Variants in THSD7B observed in about 807,000 individuals in gnomAD.
The protein encoded by THSD7B is thrombospondin type 1 domain containing 7B.
Under a neutral mutation model 213.6 loss-of-function variants are expected in THSD7B, and 138 were observed. That is an observed-to-expected ratio of 0.65 (90% confidence interval 0.56 to 0.74). The LOEUF is 0.74. Among genes scored for constraint, THSD7B ranks in the 30% least tolerant of loss-of-function variants. The pLI is 0.00. For synonymous variants in THSD7B, 742 were observed against 687.0 expected (o/e 1.08, Z -1.25); for missense variants, 1,931 against 1,991.5 (o/e 0.97, Z 0.58).
At chr2:136,930,775 C>T (rs1313671545) in intron 2 of THSD7B, among the ~76,000 whole-genome samples, 1 of 151,556 alleles carries the variant, frequency 6.6e-6, no homozygotes, top group African/African-American at 2.4e-5. Flanking sequence ...AAAGAATCGG[C>T]CTGAGCCAGG....
intron 4 of THSD7B, among the ~76,000 whole-genome samples, chr2:137,114,678 A>G (rs934272976): frequency 6.6e-6 from 1 of 152,244 alleles, no homozygotes; most frequent in Non-Finnish European, 1.5e-5. Flanking sequence ...ATGTAAAATA[A>G]TATATTTACG....
chr2:137,634,421 T>C (rs1346021796), intron 20 of THSD7B, among the ~76,000 whole-genome samples: 4 of 152,228 alleles, frequency 2.6e-5, no homozygotes, highest in Non-Finnish European at 4.4e-5. Flanking sequence ...TTTATAGGTA[T>C]ATTTATGTAA....
intron 10 of THSD7B, among the ~76,000 whole-genome samples, chr2:137,245,042 C>A (rs1010319062): frequency 1.3e-5 from 2 of 152,050 alleles, no homozygotes; most frequent in Admixed American, 1.3e-4. Context: ...AAGCTAGGGC[C>A]CCCTGAATGG....
At chr2:137,638,731 C>G (rs1183391163) in intron 20 of THSD7B, among the ~76,000 whole-genome samples, 1 of 152,084 alleles carries the variant, frequency 6.6e-6, no homozygotes, top group African/African-American at 2.4e-5. Flanking sequence ...CTGAGGTGGT[C>G]TCAGATGGAG....
At chr2:136,891,339 T>C (rs891495551) in intron 2 of THSD7B, among the ~76,000 whole-genome samples, 2 of 152,206 alleles carry the variant, frequency 1.3e-5, no homozygotes, top group Non-Finnish European at 2.9e-5. Context: ...TAAAACTGAT[T>C]CAACATTCCA....
chr2:137,492,848 C>T (rs1157691131), intron 15 of THSD7B, among the ~76,000 whole-genome samples: 1 of 151,850 alleles, frequency 6.6e-6, no homozygotes, highest in Non-Finnish European at 1.5e-5. Flanking sequence ...TTGGGCTGGG[C>T]GTGGTGGCTC....
intron 1 of THSD7B, among the ~76,000 whole-genome samples, chr2:136,827,807 CAGAG>C (rs1281347065): frequency 6.6e-6 from 1 of 151,814 alleles, no homozygotes; most frequent in Non-Finnish European, 1.5e-5. Flanking sequence ...GAGAGAGACA[CAGAG>C]AGAGAAATAT....
chr2:137,657,146 G>A lies in THSD7B; in HGVS notation c.4361G>A (p.Gly1454Asp). ...ERTVWCQRSD[G>D]VNVTGGCSPQ... Reference sequence around the variant, plus strand: ...ACTGTATGGTGCCAGCGTTCAGATGGCGTTAATGTCACAGGTATTCCTGCC... The same window carrying A: ...ACTGTATGGTGCCAGCGTTCAGATGACGTTAATGTCACAGGTATTCCTGCC... Residue 1454 changes from glycine (G) to aspartate (D), a missense_variant, in exon 24 of 28, where the codon GGC (glycine) becomes GAC (aspartate). Physicochemically the swap from Gly to Asp is moderately conservative, Grantham distance 94 (BLOSUM62 -1). Coordinates refer to ENST00000409968, the MANE Select transcript of THSD7B (RefSeq NM_001316349.2). The A allele has an allele frequency of 6.2e-7, 1 of 1,613,986 alleles. No individual in the cohort carries two copies. The highest frequency in any genetic ancestry group is 8.5e-7 in the Non-Finnish European group (1 of 1,179,880).
rs1370449764 is a variant in THSD7B at position 136,903,950 on chromosome 2, GTGTGTGTGTGTGTGTGTGTGTGTTTGTT to G, written c.139+21637_139+21664del. Reference sequence around the variant, plus strand: ...GGTGTGTGTGTGTGTGTGTGTGTGTGTGTGTGTGTGTGTGTGTGTGTGTTTGTTTGTTTCTGAGCTGGGCCGGCAGCAT... The same window carrying G: ...GGTGTGTGTGTGTGTGTGTGTGTGTGTGTTTCTGAGCTGGGCCGGCAGCAT... On this transcript the variant is annotated intron_variant, in intron 2 of 27. Transcript: ENST00000409968. Among the ~76,000 whole-genome samples the G allele has an allele frequency of 1.5e-4, 10 of 65,594 alleles. No homozygotes were observed. The South Asian group carries it at 5.8e-3, about 38-fold the overall frequency. The allele number at this position is 65,594 out of a possible 152,430, so 43.0% of individuals were successfully genotyped here.
At chr2:136,884,141 A>ATATAAT (rs78178189) in intron 2 of THSD7B, among the ~76,000 whole-genome samples, 133,722 of 152,086 alleles carry the variant, frequency 0.88, 59,246 homozygotes, top group Non-Finnish European at 0.93. Flanking sequence ...GAAGATACAC[A>ATATAAT]TATAGTTATT....
At chr2:137,428,719 A>G (rs376800996) in intron 14 of THSD7B, among the ~76,000 whole-genome samples, 7 of 152,332 alleles carry the variant, frequency 4.6e-5, no homozygotes, top group African/African-American at 1.7e-4. Context: ...TTCTATTTAC[A>G]TGAAATATCC....
intron 21 of THSD7B, among the ~76,000 whole-genome samples, chr2:137,650,941 A>G (rs1478919200): frequency 6.6e-6 from 1 of 152,126 alleles, no homozygotes; most frequent in Non-Finnish European, 1.5e-5. Flanking sequence ...ATCATGGTGA[A>G]TGATCTTTTT....
chr2:136,912,043 G>A lies in THSD7B; in HGVS notation c.139+29726G>A, dbSNP rs148021654. 3.2e-3 allele frequency among the ~76,000 whole-genome samples: 494 copies of A among 152,110 alleles called. 3 individuals carry two copies. The highest frequency in any genetic ancestry group is 0.011 in the African/African-American group (458 of 41,526). On this transcript the variant is annotated intron_variant, in intron 2 of 27. Transcript: ENST00000409968. ...GGGAGGAAGAAAGGAGGGGCCAGGT[G>A]CAGTGGCTCATGTAATCCCAGCACT...
At chr2:137,559,951 C>T (rs145752210) in intron 15 of THSD7B, among the ~76,000 whole-genome samples, 191 of 152,250 alleles carry the variant, frequency 1.3e-3, no homozygotes, top group African/African-American at 4.2e-3. Flanking sequence ...CCAAGAGACA[C>T]ATCAAAAAAT....
At chr2:137,241,799 C>T (rs895013488) in intron 9 of THSD7B, among the ~76,000 whole-genome samples, 1 of 151,666 alleles carries the variant, frequency 6.6e-6, no homozygotes, top group African/African-American at 2.4e-5. Context: ...ATCCCAGCTA[C>T]TTGAGAGGCT....
In THSD7B at chr2:137,447,330, T is replaced by C. The variant is rs145283330; in HGVS notation, c.2960-3515T>C. On this transcript the variant is annotated intron_variant, in intron 14 of 27. Transcript: ENST00000409968. ...TCAAATTCTGCTTTAACATAGGGTCTACATAGACATTCAAACATTTAAAGT... is the reference window on the plus strand; with the variant it reads ...TCAAATTCTGCTTTAACATAGGGTCCACATAGACATTCAAACATTTAAAGT... Among the ~76,000 whole-genome samples, 35 of 152,264 alleles carry C rather than the reference T, an allele frequency of 2.3e-4. No homozygotes were observed. The East Asian group carries it at 6.4e-3, about 28-fold the overall frequency.
chr2:137,309,638 C>A (rs1683843213), intron 12 of THSD7B, among the ~76,000 whole-genome samples: 1 of 152,014 alleles, frequency 6.6e-6, no homozygotes, highest in South Asian at 2.1e-4. Flanking sequence ...GTATATCTCC[C>A]AATGCTATCC....
chr2:137,057,265 T>C lies in THSD7B; in HGVS notation c.950+35T>C, dbSNP rs1207281404. ...CTTTGATGCTTGAATTTGATTCACC[T>C]AAAATATTTTATAGTGCAACTTTAT... On this transcript the variant is annotated intron_variant, in intron 3 of 27. Transcript: ENST00000409968. The C allele has an allele frequency of 4.0e-6, 6 of 1,502,130 alleles. No homozygotes were observed. In the East Asian group the frequency reaches 1.4e-4, roughly 35 times the overall value. 93.1% of individuals were successfully genotyped at this position (1,502,130 alleles called of 1,614,324 possible).
chr2:136,857,094 C>G (rs1299846073), intron 1 of THSD7B, among the ~76,000 whole-genome samples: 1 of 152,078 alleles, frequency 6.6e-6, no homozygotes, highest in Admixed American at 6.6e-5. Flanking sequence ...TCTACAATAT[C>G]AGGAACATGA....
Sources: gnomAD v4.1 joint callset for allele counts (sites outside exome capture counted in the v4.1 genomes callset) on GRCh38, gnomAD v4.1.1 for gene constraint, MANE v1.5 for transcripts, NCBI Gene and HGNC (gene_info 2026-07-23, HGNC 2026-07-21) for gene names.